The following AGBL4 variants were observed in gnomAD, a reference collection of about 807,000 sequenced individuals.
AGBL4 encodes AGBL carboxypeptidase 4.
Under a neutral mutation model 66.4 loss-of-function variants are expected in AGBL4, and 58 were observed. That is an observed-to-expected ratio of 0.87 (90% CI 0.71 to 1.09). AGBL4 has a LOEUF of 1.09. AGBL4 is among the 50% of genes least tolerant of loss of function. The pLI is 0.00. For missense variants in AGBL4, 579 were observed against 631.0 expected (o/e 0.92, Z 0.88); for synonymous variants, 234 against 222.9 (o/e 1.05, Z -0.44).
intron 2 of AGBL4, among the ~76,000 whole-genome samples, chr1:49,788,228 C>T (rs895597393): frequency 1.3e-5 from 2 of 151,918 alleles, no homozygotes; most frequent in African/African-American, 2.4e-5. Flanking sequence ...CTTGGAAAAC[C>T]GCTTAGACAT....
At chr1:49,465,196 A>G (rs1646600224) in intron 3 of AGBL4, among the ~76,000 whole-genome samples, 1 of 125,200 alleles carries the variant, frequency 8.0e-6, no homozygotes, top group Admixed American at 8.6e-5. Flanking sequence ...TGTATTCCCT[A>G]CCCTACCCCT....
At chr1:49,036,419 A>G (rs564127908) in intron 5 of AGBL4, among the ~76,000 whole-genome samples, 1 of 152,234 alleles carries the variant, frequency 6.6e-6, no homozygotes, top group South Asian at 2.1e-4. Flanking sequence ...ATCATGTCCA[A>G]AGAAGAACAA....
intron 3 of AGBL4, among the ~76,000 whole-genome samples, chr1:49,566,970 C>A (rs1019640775): frequency 3.9e-5 from 6 of 152,196 alleles, no homozygotes; most frequent in Non-Finnish European, 7.3e-5. Context: ...CTCTCGGCTG[C>A]TTTGTTTACC....
At chr1:49,272,963 A>G (rs949247025) in intron 3 of AGBL4, among the ~76,000 whole-genome samples, 2 of 152,204 alleles carry the variant, frequency 1.3e-5, no homozygotes, top group Non-Finnish European at 2.9e-5. Flanking sequence ...TTTTAGTCAG[A>G]CGAGTTTATA....
chr1:49,804,006 A>C (rs1644921240), intron 2 of AGBL4, among the ~76,000 whole-genome samples: 1 of 152,160 alleles, frequency 6.6e-6, no homozygotes, highest in African/African-American at 2.4e-5. Context: ...CTGTTCTTTA[A>C]GTGTGCTGCT....
chr1:49,515,580 C>G (rs1268858901), intron 3 of AGBL4, among the ~76,000 whole-genome samples: 4 of 151,820 alleles, frequency 2.6e-5, no homozygotes, highest in African/African-American at 9.7e-5. Flanking sequence ...TATAAAGACA[C>G]ATGCACACAT....
chr1:48,936,338 G>A (rs986191379), intron 5 of AGBL4, among the ~76,000 whole-genome samples: 7 of 152,044 alleles, frequency 4.6e-5, no homozygotes, highest in South Asian at 2.1e-4. Context: ...ACAGTTTCTC[G>A]GTATCCTTCC....
chr1:49,706,108 G>C (rs1225103442), intron 2 of AGBL4, among the ~76,000 whole-genome samples: 1 of 152,262 alleles, frequency 6.6e-6, no homozygotes, highest in East Asian at 1.9e-4. Flanking sequence ...GTTTGAAATA[G>C]TTTTAGAAGG....
intron 3 of AGBL4, among the ~76,000 whole-genome samples, chr1:49,608,322 T>G (rs1645096694): frequency 6.6e-6 from 1 of 152,194 alleles, no homozygotes; most frequent in Non-Finnish European, 1.5e-5. Context: ...AATTTTTTGT[T>G]TTACTTCTAT....
chr1:49,039,072 G>A (rs1006020487), intron 5 of AGBL4, among the ~76,000 whole-genome samples: 3 of 152,166 alleles, frequency 2.0e-5, no homozygotes, highest in Non-Finnish European at 2.9e-5. Context: ...TGCATGTCAC[G>A]AAGCGAAAGA....
At chr1:49,617,639 G>A (rs1571183016) in intron 3 of AGBL4, among the ~76,000 whole-genome samples, 1 of 152,068 alleles carries the variant, frequency 6.6e-6, no homozygotes, top group Non-Finnish European at 1.5e-5. Context: ...GGCCAATAGT[G>A]CCCTTATCAT....
intron 3 of AGBL4, among the ~76,000 whole-genome samples, chr1:49,383,805 T>TG (rs201557403): frequency 2.0e-5 from 3 of 149,256 alleles, no homozygotes; most frequent in African/African-American, 7.5e-5. Flanking sequence ...ATATATATAT[T>TG]TTTTTTTTTT....
chr1:49,783,433 A>T (rs889903760), intron 2 of AGBL4, among the ~76,000 whole-genome samples: 21 of 152,186 alleles, frequency 1.4e-4, no homozygotes, highest in African/African-American at 5.1e-4. Context: ...GGTCATTGCA[A>T]TAGATGCATA....
At chr1:48,646,347 G>T (rs1049924343) in intron 8 of AGBL4, among the ~76,000 whole-genome samples, 1 of 152,138 alleles carries the variant, frequency 6.6e-6, no homozygotes, top group African/African-American at 2.4e-5. Context: ...TCTGTTTCTA[G>T]CTTGATGAAA....
rs565527876 is a variant in AGBL4 at position 49,508,667 on chromosome 1, T to A, written c.282+188646A>T. 4.3e-4 allele frequency among the ~76,000 whole-genome samples: 65 copies of A among 152,096 alleles called. 1 individual carries two copies. The South Asian group carries it at 0.013, about 31-fold the overall frequency. On this transcript the variant is annotated intron_variant, in intron 3 of 13. Transcript: ENST00000371839. ...ATGGGTTTAAATCCCTGCAACCTTC[T>A]ATGCAACCTTAGGCAAATTACTTAT...
chr1:50,002,359 CTTTTT>C lies in AGBL4; in HGVS notation c.34+21399_34+21403del, dbSNP rs372960346. On this transcript the variant is annotated intron_variant, in intron 1 of 13. Coordinates refer to ENST00000371839, the MANE Select transcript of AGBL4 (RefSeq NM_032785.4). ...TTGAGCCCTTAAATCTGCCCTAGTT[CTTTTT>C]TTTTTTTTTTTTTTTTTTTTTTTGA... 2.1e-4 allele frequency among the ~76,000 whole-genome samples: 20 copies of C among 96,026 alleles called. No individual in the cohort carries two copies. In the South Asian group the frequency reaches 5.5e-3, roughly 26 times the overall value. 63.0% of individuals were successfully genotyped at this position (96,026 alleles called of 152,430 possible).
At chr1:50,013,180 C>T (rs1243350289) in intron 1 of AGBL4, among the ~76,000 whole-genome samples, 3 of 152,098 alleles carry the variant, frequency 2.0e-5, no homozygotes, top group Non-Finnish European at 4.4e-5. Context: ...CGAAATTAGT[C>T]CCAAACTAGC....
intron 6 of AGBL4, among the ~76,000 whole-genome samples, chr1:48,671,243 A>C (rs879508361): frequency 4.6e-5 from 7 of 152,232 alleles, no homozygotes; most frequent in Non-Finnish European, 7.3e-5. Flanking sequence ...TCAAGATCTG[A>C]GGTTTCAGAC....
intron 5 of AGBL4, among the ~76,000 whole-genome samples, chr1:48,902,922 G>T (rs1652223576): frequency 6.6e-6 from 1 of 152,060 alleles, no homozygotes; most frequent in Non-Finnish European, 1.5e-5. Flanking sequence ...CTAAGACTTG[G>T]CCCCTCTCAT....
Sources: allele counts gnomAD v4.1 joint callset (sites outside exome capture counted in the v4.1 genomes callset), GRCh38; gene constraint gnomAD v4.1.1; transcripts MANE v1.5; gene names NCBI Gene and HGNC (gene_info 2026-07-23, HGNC 2026-07-21).